The following CREB1 variants were observed in gnomAD, a reference collection of about 807,000 sequenced individuals.
CREB1 encodes cAMP responsive element binding protein 1, also known as cyclic AMP-responsive element-binding protein 1.
CREB1 carries 2 observed loss-of-function variants against 42.0 expected under a neutral mutation model. That is an observed-to-expected ratio of 0.05 (90% CI 0.02 to 0.15). The LOEUF is 0.15. CREB1 is among the 10% of genes least tolerant of loss of function. CREB1 has a pLI of 1.00. For missense variants in CREB1, 199 were observed against 388.9 expected, an observed-to-expected ratio of 0.51 and a Z score of 4.11; for synonymous variants, 123 against 139.9, an observed-to-expected ratio of 0.88 and a Z score of 0.85.
intron 1 of CREB1, among the ~76,000 whole-genome samples, chr2:207,554,267 A>G (rs1393941762): frequency 1.3e-5 from 2 of 152,170 alleles, no homozygotes; most frequent in African/African-American, 4.8e-5. Context: ...CTTGTAAAAC[A>G]CTTTCTTTTT....
In CREB1 at chr2:207,560,365, C is replaced by G. The variant is rs2081908787; in HGVS notation, c.254C>G (p.Thr85Arg). 3 of 1,613,566 alleles carry G rather than the reference C, an allele frequency of 1.9e-6. No individual in the cohort carries two copies. Among genetic ancestry groups the G allele is most frequent in the Non-Finnish European group, 2.5e-6 (3 of 1,179,658 alleles). The change falls in exon 3 of 8, where the codon ACA becomes AGA. Residue 85 changes from threonine to arginine, a missense_variant. Thr to Arg is a moderately conservative substitution (Grantham distance 71, BLOSUM62 -1). This residue lies in a region of CREB1 where 66 missense variants were observed against 150.8 expected (regional missense o/e 0.44). Transcript: ENST00000353267. ...PSVIQSPQVQ[T>R]VQISTIAESE... ...GTTATTCAGTCTCCACAAGTCCAAA[C>G]AGTTCAGGTATGTGTATAAAAAGTT... is the stretch of plus-strand genomic sequence containing the variant.
intron 1 of CREB1, among the ~76,000 whole-genome samples, chr2:207,547,598 A>T (rs377440419): frequency 6.6e-6 from 1 of 152,144 alleles, no homozygotes; most frequent in East Asian, 1.9e-4. Flanking sequence ...AAAGCTGTGA[A>T]ACACCCATTA....
chr2:207,579,337 T>A (rs1166825096), intron 7 of CREB1, among the ~76,000 whole-genome samples: 1 of 152,116 alleles, frequency 6.6e-6, no homozygotes, highest in Non-Finnish European at 1.5e-5. Context: ...ACAACACTGC[T>A]TACTAAAGAA....
Position 207,542,829 on chromosome 2 carries a change from T to G in CREB1, c.-9+12695T>G, listed in dbSNP as rs556254109. Among the ~76,000 whole-genome samples, 10 of 152,370 alleles carry G rather than the reference T, an allele frequency of 6.6e-5. No individual in the cohort carries two copies. In the South Asian group the frequency reaches 2.1e-3, roughly 32 times the overall value. On this transcript the variant is annotated intron_variant, in intron 1 of 7. Coordinates refer to ENST00000353267, the MANE Select transcript of CREB1 (RefSeq NM_004379.5). ...TGAAAAATAACTGAAGCTACTAATG[T>G]GTATTTGGAGTTATAATCCACCTAC...
intron 5 of CREB1, among the ~76,000 whole-genome samples, chr2:207,572,225 CAAAA>C (rs35000643): frequency 3.0e-5 from 3 of 98,884 alleles, no homozygotes; most frequent in African/African-American, 1.4e-4. Flanking sequence ...GATTCCGTCT[CAAAA>C]AAAAAAAAAA....
rs2082308091 is a variant in CREB1, at chr2:207,570,341, T to C, written c.505+20T>C. ...AGTATAGTGAGTAATAGACAATTTC[T>C]GTTTCTATTGTGAGGAGAAAAAAGT... On this transcript the variant is annotated intron_variant, in intron 5 of 7. Transcript: ENST00000353267. 1 of 1,572,998 alleles carries C rather than the reference T, an allele frequency of 6.4e-7. No individual in the cohort carries two copies. The highest frequency in any genetic ancestry group is 8.6e-7 in the Non-Finnish European group (1 of 1,160,344).
In CREB1 at chr2:207,603,372, A is replaced by G. The variant is rs1027618245; in HGVS notation, c.*6314A>G. 1 of 224,844 alleles carries G rather than the reference A, an allele frequency of 4.4e-6. No homozygotes were observed. The highest frequency in any genetic ancestry group is 2.2e-5 in the African/African-American group (1 of 44,864). The allele number at this position is 224,844 out of a possible 1,614,324, so 13.9% of individuals were successfully genotyped here. A position where few individuals can be genotyped will look rare whatever the true frequency, so the allele number is the denominator to read the frequency against. On this transcript the variant is annotated 3_prime_UTR_variant, in exon 8 of 8. Coordinates refer to ENST00000353267, the MANE Select transcript of CREB1 (RefSeq NM_004379.5). The stretch of plus-strand genomic sequence containing the variant: ...TGTAATCTTTGTGGTATCAACTGTC[A>G]TAATGCTCTTTTTACACAAACATTT...
intron 7 of CREB1, among the ~76,000 whole-genome samples, chr2:207,587,802 A>G (rs1168777474): frequency 3.3e-5 from 5 of 152,178 alleles, no homozygotes; most frequent in Admixed American, 3.3e-4. Flanking sequence ...AGGGAAGGTG[A>G]GATAGGGAGC....
chr2:207,575,452 A>G lies in CREB1; in HGVS notation c.686A>G (p.Gln229Arg). Residue 229 changes from glutamine to arginine, a missense_variant and splice_region_variant, in exon 6 of 8, where the codon CAA (glutamine) becomes CGA (arginine). Physicochemically the swap from Gln to Arg is conservative, Grantham distance 43. Around this residue, in one of 4 missense-constraint regions of CREB1, gnomAD observed 66 missense variants for 88.1 expected, o/e 0.75. Transcript: ENST00000353267. ...ILVPSNQVVV[Q>R]AASGDVQTYQ... ...GTGCCCAGCAACCAAGTTGTTGTTC[A>G]AGGTAAGGGAATTCAGAATTCACAG... 6.2e-7 allele frequency: 1 copy of G among 1,602,718 alleles called. No homozygotes were observed. Among genetic ancestry groups the G allele is most frequent in the South Asian group, 1.1e-5 (1 of 90,210 alleles).
At chr2:207,588,820 T>G (rs2084398716) in intron 7 of CREB1, among the ~76,000 whole-genome samples, 1 of 149,220 alleles carries the variant, frequency 6.7e-6, no homozygotes, top group Admixed American at 6.7e-5. Context: ...GAAATAAAAT[T>G]GGCTTCTGTA....
intron 7 of CREB1, among the ~76,000 whole-genome samples, chr2:207,583,097 C>A (rs960161493): frequency 6.6e-6 from 1 of 151,906 alleles, no homozygotes; most frequent in Non-Finnish European, 1.5e-5. Flanking sequence ...CAACTATTTA[C>A]ATAGTATTTA....
intron 7 of CREB1, chr2:207,578,195 A>G (rs2082668508): frequency 6.6e-6 from 1 of 152,564 alleles, no homozygotes; most frequent in Admixed American, 6.5e-5. Context: ...ATCTTAAAAT[A>G]TAGTCTTCAA....
At chr2:207,555,145 A>G (rs137858921) in intron 1 of CREB1, among the ~76,000 whole-genome samples, 1 of 152,312 alleles carries the variant, frequency 6.6e-6, no homozygotes, top group African/African-American at 2.4e-5. Context: ...GAAGTAGCTT[A>G]CAATTGCTGT....
Position 207,567,375 on chromosome 2 carries a change from G to A in CREB1, c.262-88G>A. 5 of 890,340 alleles carry A rather than the reference G, an allele frequency of 5.6e-6. No individual in the cohort carries two copies. The South Asian group carries it at 6.6e-5, about 12-fold the overall frequency. 55.2% of individuals were successfully genotyped at this position (890,340 alleles called of 1,614,324 possible). On this transcript the variant is annotated intron_variant, in intron 3 of 7. Coordinates refer to ENST00000353267, the MANE Select transcript of CREB1 (RefSeq NM_004379.5). ...TTTTTTCTACTGAAGCATGTATAAA[G>A]TTTATATATGACTTTTTATATTTGT...
chr2:207,564,460 G>T (rs939217221), intron 3 of CREB1, among the ~76,000 whole-genome samples: 1 of 151,594 alleles, frequency 6.6e-6, no homozygotes, highest in Non-Finnish European at 1.5e-5. Flanking sequence ...AGTGGGCTGT[G>T]ATCGCACCAC....
rs182924133 is a variant in CREB1, at chr2:207,567,274, A to G, written c.262-189A>G. Among the ~76,000 whole-genome samples the G allele has an allele frequency of 2.2e-3, 339 of 152,278 alleles. 1 individual carries two copies. Among genetic ancestry groups the G allele is most frequent in the Non-Finnish European group, 3.5e-3 (238 of 67,986 alleles). ...AAACTGCAGCTATTTTAGGTTCTCT[A>G]ACTTCATCGTAGTTTATAGGGTAAG... On this transcript the variant is annotated intron_variant, in intron 3 of 7. Transcript: ENST00000353267.
At position 207,560,311 on chromosome 2, in the gene CREB1, A is replaced by G; in HGVS notation, c.200A>G (p.His67Arg). The change falls in exon 3 of 8, where the codon CAT (histidine) becomes CGT (arginine). Residue 67 changes from histidine to arginine, a missense_variant. His to Arg is a conservative substitution (Grantham distance 29). Transcript: ENST00000353267. ...CCCAATGGGCAGACAGTTCAAGTCC[A>G]TGGAGTCATTCAGGCGGCCCAGCCA... is the stretch of plus-strand genomic sequence containing the variant. Reference protein sequence around the residue: ...QLPNGQTVQVHGVIQAAQPSV... With the variant: ...QLPNGQTVQVRGVIQAAQPSV... 1 of 1,614,070 alleles carries G rather than the reference A, an allele frequency of 6.2e-7. No homozygotes were observed. Among genetic ancestry groups the G allele is most frequent in the Non-Finnish European group, 8.5e-7 (1 of 1,179,950 alleles).
rs1389821785 is a variant in CREB1 at position 207,577,135 on chromosome 2, A to T, written c.689-370A>T. ...AGTCTACTTGAAATTTTTTAATATG[A>T]ATTTACCAATATCAAAGGAAGACAC... On this transcript the variant is annotated intron_variant, in intron 6 of 7. Coordinates refer to ENST00000353267, the MANE Select transcript of CREB1 (RefSeq NM_004379.5). 23 of 994,852 alleles carry T rather than the reference A, an allele frequency of 2.3e-5. No individual in the cohort carries two copies. The South Asian group carries it at 8.9e-4, about 38-fold the overall frequency. 61.6% of individuals were successfully genotyped at this position (994,852 alleles called of 1,614,324 possible).
Position 207,537,993 on chromosome 2 carries a change from A to T in CREB1, c.-9+7859A>T, listed in dbSNP as rs1195972806. Reference sequence around the variant, plus strand: ...CAAGTCTAAACATGAAATTTGTTTCATATACACATTATACACATAGCCTGA... The same window carrying T: ...CAAGTCTAAACATGAAATTTGTTTCTTATACACATTATACACATAGCCTGA... On this transcript the variant is annotated intron_variant, in intron 1 of 7. Coordinates refer to ENST00000353267, the MANE Select transcript of CREB1 (RefSeq NM_004379.5). Among the ~76,000 whole-genome samples, 12 of 152,226 alleles carry T rather than the reference A, an allele frequency of 7.9e-5. No homozygotes were observed. In the East Asian group the frequency reaches 2.3e-3, roughly 29 times the overall value.
Sources: gnomAD v4.1 joint callset for allele counts (sites outside exome capture counted in the v4.1 genomes callset) on GRCh38, gnomAD v4.1.1 for gene constraint, gnomAD v4.1.1 regional missense constraint, MANE v1.5 for transcripts, NCBI Gene and HGNC (gene_info 2026-07-23, HGNC 2026-07-21) for gene names.